The following FHIT variants were observed in gnomAD, a reference collection of about 807,000 sequenced individuals.
FHIT encodes fragile histidine triad diadenosine triphosphatase, also known as bis(5'-adenosyl)-triphosphatase.
A neutral mutation model predicts 17.9 loss-of-function variants in FHIT; 19 were observed. The ratio of observed to expected loss-of-function variants is 1.06; its 90% CI spans 0.74 to 1.56. FHIT has a LOEUF of 1.56. Ranked by LOEUF, FHIT falls within the 40% of genes most tolerant of loss-of-function variation. FHIT has a pLI of 0.00. For synonymous variants in FHIT, 81 were observed against 69.7 expected (o/e 1.16, Z -0.81); for missense variants, 248 against 189.2 (o/e 1.31, Z -1.82).
intron 4 of FHIT, among the ~76,000 whole-genome samples, chr3:60,767,157 T>G (rs557906012): frequency 8.5e-5 from 13 of 152,190 alleles, no homozygotes; most frequent in Non-Finnish European, 7.3e-5. Flanking sequence ...TAACAGGCAT[T>G]TTAAAGATAA....
chr3:59,853,483 A>T (rs1234930789), intron 8 of FHIT, among the ~76,000 whole-genome samples: 1 of 152,228 alleles, frequency 6.6e-6, no homozygotes, highest in African/African-American at 2.4e-5. Context: ...AAATTATACC[A>T]ACATGAAAAC....
intron 4 of FHIT, among the ~76,000 whole-genome samples, chr3:60,710,502 G>A (rs1187249110): frequency 6.6e-6 from 1 of 152,234 alleles, no homozygotes; most frequent in Admixed American, 6.5e-5. Flanking sequence ...AGGGATCAGG[G>A]AGTTCCCTTT....
intron 1 of FHIT, among the ~76,000 whole-genome samples, chr3:61,225,230 TC>T (rs1164554867): frequency 6.6e-6 from 1 of 150,722 alleles, no homozygotes; most frequent in African/African-American, 2.5e-5. Flanking sequence ...AGATGCTTAT[TC>T]AATTTTGAAA....
chr3:60,684,860 C>T (rs2040827489), intron 4 of FHIT, among the ~76,000 whole-genome samples: 1 of 152,114 alleles, frequency 6.6e-6, no homozygotes, highest in African/African-American at 2.4e-5. Context: ...GAACACAATA[C>T]TCCAAAATAT....
At chr3:60,511,170 AATG>A in intron 5 of FHIT, among the ~76,000 whole-genome samples, 1 of 152,192 alleles carries the variant, frequency 6.6e-6, no homozygotes, top group South Asian at 2.1e-4. Context: ...GTGAAATTAA[AATG>A]ATAATATTAA....
At chr3:60,323,081 T>C (rs1184358291) in intron 5 of FHIT, among the ~76,000 whole-genome samples, 1 of 152,142 alleles carries the variant, frequency 6.6e-6, no homozygotes, top group East Asian at 1.9e-4. Flanking sequence ...TACTTCCAAC[T>C]TCCTGCAAAA....
intron 3 of FHIT, among the ~76,000 whole-genome samples, chr3:60,974,689 C>A (rs1710162767): frequency 6.6e-6 from 1 of 152,142 alleles, no homozygotes; most frequent in South Asian, 2.1e-4. Context: ...GTGATTAACC[C>A]TCAGGTTTAA....
chr3:60,172,514 G>A (rs1455138722), intron 5 of FHIT, among the ~76,000 whole-genome samples: 1 of 151,804 alleles, frequency 6.6e-6, no homozygotes, highest in Non-Finnish European at 1.5e-5. Context: ...AACCTCAGGT[G>A]ATCCGCCTGC....
At chr3:59,848,280 G>A (rs1374978147) in intron 8 of FHIT, among the ~76,000 whole-genome samples, 1 of 152,130 alleles carries the variant, frequency 6.6e-6, no homozygotes, top group Non-Finnish European at 1.5e-5. Flanking sequence ...CAGGCCTTCA[G>A]TGGACTCCAG....
chr3:60,209,547 G>A (rs1164151636), intron 5 of FHIT, among the ~76,000 whole-genome samples: 1 of 152,110 alleles, frequency 6.6e-6, no homozygotes, highest in Non-Finnish European at 1.5e-5. Flanking sequence ...GAACTCTGTT[G>A]AGCCAATAGT....
chr3:60,382,224 T>C (rs1216956896), intron 5 of FHIT, among the ~76,000 whole-genome samples: 1 of 152,222 alleles, frequency 6.6e-6, no homozygotes, highest in Non-Finnish European at 1.5e-5. Flanking sequence ...AATAGACATC[T>C]CTTGCGGACA....
intron 5 of FHIT, among the ~76,000 whole-genome samples, chr3:60,110,466 T>C (rs1704622327): frequency 6.6e-6 from 1 of 152,190 alleles, no homozygotes; most frequent in African/African-American, 2.4e-5. Flanking sequence ...CTCACCCTAA[T>C]GAATCCAAAG....
intron 7 of FHIT, among the ~76,000 whole-genome samples, chr3:59,924,476 T>C (rs1023574953): frequency 2.0e-5 from 3 of 152,190 alleles, no homozygotes; most frequent in East Asian, 1.9e-4. Context: ...CAGTATCTTA[T>C]CTATATGGGG....
intron 5 of FHIT, among the ~76,000 whole-genome samples, chr3:60,100,376 T>A (rs566896654): frequency 6.6e-6 from 1 of 152,118 alleles, no homozygotes; most frequent in South Asian, 2.1e-4. Flanking sequence ...AGAGCAAGAC[T>A]CTGCCTCAAA....
At chr3:60,892,033 C>G (rs186640817) in intron 3 of FHIT, among the ~76,000 whole-genome samples, 240 of 152,248 alleles carry the variant, frequency 1.6e-3, no homozygotes, top group African/African-American at 5.4e-3. Flanking sequence ...TATGGCTCCC[C>G]AATGTCAGTC....
chr3:60,605,890 A>C (rs190202862), intron 4 of FHIT, among the ~76,000 whole-genome samples: 1 of 152,290 alleles, frequency 6.6e-6, no homozygotes, highest in East Asian at 1.9e-4. Flanking sequence ...TGAACATGTG[A>C]ATGTCCTATA....
chr3:60,277,332 G>C (rs752135691), intron 5 of FHIT, among the ~76,000 whole-genome samples: 1 of 152,066 alleles, frequency 6.6e-6, no homozygotes, highest in East Asian at 1.9e-4. Context: ...AAAAGCAGCC[G>C]CCAAATCATT....
At chr3:60,963,183 T>C (rs1201454158) in intron 3 of FHIT, among the ~76,000 whole-genome samples, 15 of 152,220 alleles carry the variant, frequency 9.9e-5, no homozygotes, top group Non-Finnish European at 1.5e-4. Context: ...CGGGAATTTA[T>C]CCATTTCTTC....
intron 2 of FHIT, among the ~76,000 whole-genome samples, chr3:61,133,199 T>A (rs550532367): frequency 6.6e-6 from 1 of 152,006 alleles, no homozygotes; most frequent in Non-Finnish European, 1.5e-5. Flanking sequence ...CTCCACAGCA[T>A]TGACCTCAGT....
Sources: allele counts gnomAD v4.1 joint callset (sites outside exome capture counted in the v4.1 genomes callset), GRCh38; gene constraint gnomAD v4.1.1; transcripts MANE v1.5; gene names NCBI Gene and HGNC (gene_info 2026-07-23, HGNC 2026-07-21).